CATSPERT: variants seen among roughly 807,000 people sequenced by gnomAD.
The protein encoded by CATSPERT is catsper channel auxiliary subunit tau, also known as cation channel sperm-associated targeting subunit tau.
the CATSPERT span, chr2:201,534,652 A>G: frequency 1.0e-6 from 1 of 984,802 alleles, no homozygotes. Flanking sequence ...AAGACCATTA[A>G]TACTCAAATA....
At chr2:201,493,361 T>C in the CATSPERT span, 1 of 1,536,850 alleles carries the variant, frequency 6.5e-7, no homozygotes, top group Non-Finnish European at 8.7e-7. Flanking sequence ...TTGGGAATGA[T>C]GGGTATACTC....
the CATSPERT span, among the ~76,000 whole-genome samples, chr2:201,542,788 T>C: frequency 6.6e-6 from 1 of 152,144 alleles, no homozygotes; most frequent in Non-Finnish European, 1.5e-5. Flanking sequence ...ACAAATATAT[T>C]CCCCCATTCT....
chr2:201,586,594 A>G, the CATSPERT span, among the ~76,000 whole-genome samples: 3 of 152,046 alleles, frequency 2.0e-5, no homozygotes, highest in African/African-American at 7.2e-5. Flanking sequence ...ATACAGATAA[A>G]ACATAATGTA....
the CATSPERT span, among the ~76,000 whole-genome samples, chr2:201,500,252 C>T: frequency 6.6e-6 from 1 of 152,102 alleles, no homozygotes; most frequent in African/African-American, 2.4e-5. Context: ...CAGTGGCTCA[C>T]ACCTGTAATC....
At chr2:201,533,540 A>G in the CATSPERT span, among the ~76,000 whole-genome samples, 4 of 152,182 alleles carry the variant, frequency 2.6e-5, no homozygotes, top group Non-Finnish European at 5.9e-5. Flanking sequence ...TTCAATTCAT[A>G]GATTTTAAGT....
At chr2:201,494,684 C>T in the CATSPERT span, 4 of 1,534,652 alleles carry the variant, frequency 2.6e-6, no homozygotes, top group East Asian at 9.8e-5. Context: ...ATATCTTGAT[C>T]TTTTCTTTTT....
chr2:201,493,030 G>T, the CATSPERT span: 3 of 1,536,306 alleles, frequency 2.0e-6, no homozygotes, highest in Non-Finnish European at 2.6e-6. Context: ...TGTGTCACTT[G>T]TAAAAGAAGG....
chr2:201,505,909 T>A, the CATSPERT span, among the ~76,000 whole-genome samples: 1 of 152,184 alleles, frequency 6.6e-6, no homozygotes, highest in African/African-American at 2.4e-5. Context: ...TTTACAAGTG[T>A]TCTGTAAATC....
chr2:201,494,843 A>G, the CATSPERT span: 1 of 1,343,506 alleles, frequency 7.4e-7, no homozygotes, highest in Non-Finnish European at 9.8e-7. Context: ...TTCCTTGAGC[A>G]ATCTGTCAAT....
chr2:201,582,434 T>C, the CATSPERT span, among the ~76,000 whole-genome samples: 1 of 152,190 alleles, frequency 6.6e-6, no homozygotes, highest in African/African-American at 2.4e-5. Context: ...ACATATATAC[T>C]AATATCAACA....
chr2:201,517,828 CAA>C, the CATSPERT span, among the ~76,000 whole-genome samples: 8 of 152,182 alleles, frequency 5.3e-5, no homozygotes, highest in Non-Finnish European at 1.0e-4. Flanking sequence ...GGGAAAAAGT[CAA>C]AGAGTCACAA....
chr2:201,594,230 A>G, the CATSPERT span, among the ~76,000 whole-genome samples: 2 of 151,994 alleles, frequency 1.3e-5, no homozygotes, highest in African/African-American at 2.4e-5. Flanking sequence ...TTTCTTCTTC[A>G]CTTATGAAGC....
the CATSPERT span, chr2:201,601,700 A>C: frequency 6.4e-7 from 1 of 1,559,390 alleles, no homozygotes. Context: ...TGGAACTATA[A>C]GGAGCCATTC....
the CATSPERT span, among the ~76,000 whole-genome samples, chr2:201,591,143 T>G: frequency 2.6e-5 from 4 of 152,212 alleles, no homozygotes; most frequent in Non-Finnish European, 5.9e-5. Context: ...CTTTAATCCA[T>G]CTTGAATTGA....
the CATSPERT span, chr2:201,547,588 A>G: frequency 1.3e-6 from 2 of 1,524,924 alleles, no homozygotes; most frequent in Non-Finnish European, 1.8e-6. Flanking sequence ...AGATTTCTAT[A>G]TTCTTTTTTC....
the CATSPERT span, among the ~76,000 whole-genome samples, chr2:201,508,769 C>T: frequency 6.6e-6 from 1 of 151,882 alleles, no homozygotes; most frequent in Non-Finnish European, 1.5e-5. Flanking sequence ...TTTCACTTAG[C>T]ATAATTCCTC....
At chr2:201,582,478 A>G in the CATSPERT span, among the ~76,000 whole-genome samples, 1 of 152,186 alleles carries the variant, frequency 6.6e-6, no homozygotes, top group Non-Finnish European at 1.5e-5. Context: ...AACGGCAATT[A>G]TCATCTTTTG....
At chr2:201,583,886 G>A in the CATSPERT span, among the ~76,000 whole-genome samples, 284 of 152,262 alleles carry the variant, frequency 1.9e-3, no homozygotes, top group African/African-American at 6.5e-3. Flanking sequence ...ATATACTCCT[G>A]GCACAGGAAA....
At chr2:201,616,870 C>T in the CATSPERT span, among the ~76,000 whole-genome samples, 2 of 152,194 alleles carry the variant, frequency 1.3e-5, no homozygotes, top group African/African-American at 4.8e-5. Context: ...TCTTAGGATA[C>T]AAAATCAATG....
Sources: allele counts gnomAD v4.1 joint callset (sites outside exome capture counted in the v4.1 genomes callset), GRCh38; gene constraint gnomAD v4.1.1; transcripts MANE v1.5; gene names NCBI Gene and HGNC (gene_info 2026-07-23, HGNC 2026-07-21).